TOX: variants seen among roughly 807,000 people sequenced by gnomAD.
TOX encodes thymocyte selection associated high mobility group box, also known as thymocyte selection-associated high mobility group box protein TOX.
In TOX, 11 loss-of-function variants were observed where a neutral mutation model predicts 53.7. That is an observed-to-expected ratio of 0.20 (90% CI 0.13 to 0.34). TOX has a LOEUF of 0.34. Ranked by LOEUF, TOX falls within the 10% of genes least tolerant of loss-of-function variation. TOX has a pLI of 1.00. For synonymous variants in TOX, 225 were observed against 245.3 expected, an observed-to-expected ratio of 0.92 and a Z score of 0.77; for missense variants, 570 against 664.6, an observed-to-expected ratio of 0.86 and a Z score of 1.56.
At chr8:59,001,749 G>A (rs1813692043) in intron 1 of TOX, among the ~76,000 whole-genome samples, 1 of 152,066 alleles carries the variant, frequency 6.6e-6, no homozygotes, top group Admixed American at 6.5e-5. Flanking sequence ...CAAGAAGTAA[G>A]AAATAACTAT....
At chr8:59,065,561 C>A (rs1804073975) in intron 1 of TOX, among the ~76,000 whole-genome samples, 1 of 152,146 alleles carries the variant, frequency 6.6e-6, no homozygotes, top group South Asian at 2.1e-4. Flanking sequence ...AATCTGACCC[C>A]TTCCTTTTAC....
At chr8:58,849,109 G>A (rs1810766717) in intron 4 of TOX, among the ~76,000 whole-genome samples, 1 of 152,056 alleles carries the variant, frequency 6.6e-6, no homozygotes, top group African/African-American at 2.4e-5. Flanking sequence ...ATTTTCATCA[G>A]AGGATTTTTC....
intron 3 of TOX, among the ~76,000 whole-genome samples, chr8:58,873,755 T>C (rs1811234518): frequency 6.6e-6 from 1 of 151,952 alleles, no homozygotes; most frequent in African/African-American, 2.4e-5. Context: ...CTAAACATCT[T>C]TGGAAGATGG....
intron 2 of TOX, among the ~76,000 whole-genome samples, chr8:58,959,017 T>C (rs9650194): frequency 0.47 from 71,432 of 152,056 alleles, 18,274 homozygotes; most frequent in East Asian, 0.59. Context: ...TCTATATGTG[T>C]GGATATGTAG....
intron 1 of TOX, among the ~76,000 whole-genome samples, chr8:59,063,200 A>G (rs991222249): frequency 6.6e-6 from 1 of 152,156 alleles, no homozygotes; most frequent in Admixed American, 6.5e-5. Context: ...TCAATCAAAC[A>G]TTGCAACTAC....
intron 3 of TOX, among the ~76,000 whole-genome samples, chr8:58,886,144 T>G (rs1811464076): frequency 6.6e-6 from 1 of 152,112 alleles, no homozygotes; most frequent in Non-Finnish European, 1.5e-5. Context: ...AACAGTCTTT[T>G]TACCTGGCCA....
chr8:58,871,262 T>C (rs1428602594), intron 3 of TOX, among the ~76,000 whole-genome samples: 1 of 151,398 alleles, frequency 6.6e-6, no homozygotes, highest in Non-Finnish European at 1.5e-5. Context: ...GAAGGGAAGA[T>C]GGTTGAATAT....
intron 1 of TOX, among the ~76,000 whole-genome samples, chr8:59,046,579 C>G (rs1038790139): frequency 6.6e-6 from 1 of 151,984 alleles, no homozygotes; most frequent in Non-Finnish European, 1.5e-5. Flanking sequence ...CACTCTAGGC[C>G]GGGGGTGGTG....
intron 1 of TOX, among the ~76,000 whole-genome samples, chr8:58,993,413 C>T (rs981390785): frequency 6.6e-6 from 1 of 152,166 alleles, no homozygotes; most frequent in African/African-American, 2.4e-5. Flanking sequence ...CCAGGAATGG[C>T]AGAAGGATGA....
chr8:58,838,795 G>A (rs1266142775), intron 4 of TOX, among the ~76,000 whole-genome samples: 2 of 138,226 alleles, frequency 1.4e-5, no homozygotes, highest in African/African-American at 5.4e-5. Flanking sequence ...TCTGCCTCCC[G>A]AGTTCAAGCA....
intron 3 of TOX, among the ~76,000 whole-genome samples, chr8:58,874,125 C>T (rs1034198095): frequency 6.6e-6 from 1 of 151,310 alleles, no homozygotes; most frequent in African/African-American, 2.4e-5. Context: ...GACTTTAATC[C>T]ATCTGTGCCT....
intron 1 of TOX, among the ~76,000 whole-genome samples, chr8:59,003,794 G>C (rs540359982): frequency 6.6e-6 from 1 of 152,194 alleles, no homozygotes; most frequent in African/African-American, 2.4e-5. Context: ...ACTTTGGACA[G>C]CTATGTCTGG....
rs527569070 is a variant in TOX at position 59,042,411 on chromosome 8, G to A, written c.102+76475C>T. Among the ~76,000 whole-genome samples, 7 of 152,284 alleles carry A rather than the reference G, an allele frequency of 4.6e-5. No homozygotes were observed. The South Asian group carries it at 1.2e-3, about 27-fold the overall frequency. ...AGCATTTTAAAGATAAATATGCTCC[G>A]TTTTTGTCAGATACCACCTTTGTAT... On this transcript the variant is annotated intron_variant, in intron 1 of 8. Coordinates refer to ENST00000361421, the MANE Select transcript of TOX (RefSeq NM_014729.3).
chr8:58,977,571 C>T (rs138871170), intron 1 of TOX, among the ~76,000 whole-genome samples: 2,277 of 152,354 alleles, frequency 0.015, 94 homozygotes, highest in Admixed American at 0.092. Context: ...TGGCTTGCCA[C>T]ATGCCTTCTT....
intron 1 of TOX, among the ~76,000 whole-genome samples, chr8:59,003,421 G>T (rs1813730391): frequency 6.6e-6 from 1 of 152,172 alleles, no homozygotes; most frequent in African/African-American, 2.4e-5. Flanking sequence ...TATTCCCAGA[G>T]ATCTATTAGC....
chr8:58,885,790 GT>G (rs1453380921), intron 3 of TOX, among the ~76,000 whole-genome samples: 1 of 152,124 alleles, frequency 6.6e-6, no homozygotes, highest in Non-Finnish European at 1.5e-5. Context: ...AATCCCTGAT[GT>G]TTGTGCTGCA....
In TOX at chr8:58,987,637, G is replaced by A. The variant is rs537451297; in HGVS notation, c.103-27629C>T. On this transcript the variant is annotated intron_variant, in intron 1 of 8. Transcript: ENST00000361421. ...GAACTCAGTTCTCAATCAGTTTTAA[G>A]GTCAACGACATGAAAAGTCAGAATT... Among the ~76,000 whole-genome samples, 9 of 152,330 alleles carry A rather than the reference G, an allele frequency of 5.9e-5. No individual in the cohort carries two copies. In the South Asian group the frequency reaches 1.2e-3, roughly 21 times the overall value.
At chr8:59,098,743 C>T (rs1256279625) in intron 1 of TOX, among the ~76,000 whole-genome samples, 2 of 152,182 alleles carry the variant, frequency 1.3e-5, no homozygotes, top group East Asian at 3.8e-4. Flanking sequence ...GGATTCTTCC[C>T]AGCTCTCTGA....
chr8:58,880,275 G>A (rs1013521117), intron 3 of TOX, among the ~76,000 whole-genome samples: 11 of 152,160 alleles, frequency 7.2e-5, no homozygotes, highest in Admixed American at 7.2e-4. Flanking sequence ...ATGACTAAAG[G>A]GGAAAAGGAT....
Sources: gnomAD v4.1 joint callset for allele counts (sites outside exome capture counted in the v4.1 genomes callset) on GRCh38, gnomAD v4.1.1 for gene constraint, MANE v1.5 for transcripts, NCBI Gene and HGNC (gene_info 2026-07-23, HGNC 2026-07-21) for gene names.